The following CDK14 variants were observed in gnomAD, a reference collection of about 807,000 sequenced individuals.
The protein encoded by CDK14 is cyclin-dependent kinase 14.
In CDK14, 34 loss-of-function variants were observed where a neutral mutation model predicts 60.7. The ratio of observed to expected loss-of-function variants is 0.56; its 90% CI spans 0.43 to 0.75. The LOEUF is 0.75. Among genes scored for constraint, CDK14 ranks in the 30% least tolerant of loss-of-function variants. The probability of loss-of-function intolerance (pLI) is 0.00; values close to 1 mark genes in which losing one functional copy is unlikely to be tolerated. For synonymous variants in CDK14, 197 were observed against 203.7 expected (o/e 0.97, Z 0.28); for missense variants, 482 against 564.1 (o/e 0.85, Z 1.47).
At chr7:91,119,844 G>C (rs1799728076) in intron 14 of CDK14, among the ~76,000 whole-genome samples, 4 of 152,064 alleles carry the variant, frequency 2.6e-5, no homozygotes, top group Non-Finnish European at 5.9e-5. Flanking sequence ...CCATAGGTAA[G>C]AGTCTTCATT....
intron 11 of CDK14, among the ~76,000 whole-genome samples, chr7:91,049,820 G>A (rs1019674269): frequency 2.0e-5 from 3 of 152,152 alleles, no homozygotes; most frequent in Non-Finnish European, 4.4e-5. Context: ...TGAACAAAAA[G>A]CAAATGATCC....
At chr7:90,600,805 A>G (rs1252756028) in intron 1 of CDK14, among the ~76,000 whole-genome samples, 2 of 152,266 alleles carry the variant, frequency 1.3e-5, no homozygotes, top group Non-Finnish European at 2.9e-5. Flanking sequence ...GCATTTTCAT[A>G]CACCAAAACT....
intron 2 of CDK14, among the ~76,000 whole-genome samples, chr7:90,673,560 A>C (rs562115654): frequency 1.3e-5 from 2 of 151,274 alleles, no homozygotes; most frequent in Admixed American, 1.3e-4. Context: ...GGTTAAGTCT[A>C]TTAAGCAATT....
chr7:91,122,239 C>T (rs1209602334), intron 14 of CDK14, among the ~76,000 whole-genome samples: 1 of 151,912 alleles, frequency 6.6e-6, no homozygotes, highest in African/African-American at 2.4e-5. Context: ...ACCTTTTAGC[C>T]TCTTATTTCT....
chr7:90,681,062 T>C (rs1267312888), intron 2 of CDK14, among the ~76,000 whole-genome samples: 1 of 152,170 alleles, frequency 6.6e-6, no homozygotes, highest in Admixed American at 6.5e-5. Flanking sequence ...TTTACAAGAG[T>C]GCATCAAGGC....
At chr7:91,121,370 C>G (rs1799777091) in intron 14 of CDK14, among the ~76,000 whole-genome samples, 1 of 152,158 alleles carries the variant, frequency 6.6e-6, no homozygotes. Flanking sequence ...TTAACCATCT[C>G]TCTTTGGGGA....
chr7:90,976,063 G>T (rs566559943), intron 9 of CDK14, among the ~76,000 whole-genome samples: 1 of 152,220 alleles, frequency 6.6e-6, no homozygotes, highest in South Asian at 2.1e-4. Flanking sequence ...CCAGTAGTGG[G>T]ATGGCTAGCT....
chr7:91,002,943 G>A (rs1461768930), intron 10 of CDK14, among the ~76,000 whole-genome samples: 1 of 152,028 alleles, frequency 6.6e-6, no homozygotes, highest in African/African-American at 2.4e-5. Context: ...ATGGTGGCGG[G>A]TGCCTGTAGT....
rs181162650 is a variant in CDK14 at position 90,622,345 on chromosome 7, G to T, written c.123+18096G>T. The stretch of plus-strand genomic sequence containing the variant: ...AAAAAAATAAATGACTGTCTGTGTG[G>T]TAATGTTTTTGCTTAGTAAATGTAT... On this transcript the variant is annotated intron_variant, in intron 2 of 14. Transcript: ENST00000380050. Among the ~76,000 whole-genome samples, 49 of 152,296 alleles carry T rather than the reference G, an allele frequency of 3.2e-4. No homozygotes were observed. The East Asian group carries it at 9.1e-3, about 28-fold the overall frequency.
chr7:90,887,030 C>T (rs1405730688), intron 6 of CDK14, among the ~76,000 whole-genome samples: 3 of 152,046 alleles, frequency 2.0e-5, no homozygotes, highest in African/African-American at 7.2e-5. Flanking sequence ...GAGTTTCTAC[C>T]CATTTTAACT....
chr7:90,622,446 C>T (rs998381292), intron 2 of CDK14, among the ~76,000 whole-genome samples: 5 of 152,308 alleles, frequency 3.3e-5, no homozygotes, highest in South Asian at 2.1e-4. Context: ...GTCAATCTAA[C>T]GCGGTGATCT....
intron 4 of CDK14, among the ~76,000 whole-genome samples, chr7:90,749,757 A>G (rs145417585): frequency 7.2e-4 from 110 of 152,210 alleles, no homozygotes; most frequent in African/African-American, 2.5e-3. Context: ...TCCCAGCTTC[A>G]TGTTTAGGCA....
At chr7:90,839,859 T>C (rs936263707) in intron 5 of CDK14, among the ~76,000 whole-genome samples, 1 of 152,218 alleles carries the variant, frequency 6.6e-6, no homozygotes, top group African/African-American at 2.4e-5. Flanking sequence ...AATTGTTTCT[T>C]GTATTATGTT....
Position 90,709,353 on chromosome 7 carries a change from G to T in CDK14, c.124-17214G>T, listed in dbSNP as rs77861530. On this transcript the variant is annotated intron_variant, in intron 2 of 14. Transcript: ENST00000380050. ...GGGTTGTCACTCAGGACACTTACTG[G>T]CTTTCTCCAGTGCTCTTAAAAAATT... 2,691 of 1,253,120 alleles carry T rather than the reference G, an allele frequency of 2.1e-3. 51 individuals carry two copies. In the African/African-American group the frequency reaches 0.037, roughly 17 times the overall value. 77.6% of individuals were successfully genotyped at this position (1,253,120 alleles called of 1,614,324 possible). A position where few individuals can be genotyped will look rare whatever the true frequency, so the allele number is the denominator to read the frequency against.
chr7:90,630,038 C>CAAACA (rs55947583), intron 2 of CDK14, among the ~76,000 whole-genome samples: 6,320 of 102,738 alleles, frequency 0.062, 157 homozygotes, highest in Middle Eastern at 0.11. Flanking sequence ...GACACTGTCT[C>CAAACA]AAACAAAACA....
intron 7 of CDK14, among the ~76,000 whole-genome samples, chr7:90,906,279 C>T (rs971349277): frequency 5.3e-5 from 8 of 151,946 alleles, no homozygotes; most frequent in Middle Eastern, 3.2e-3. Context: ...AAAATATAGA[C>T]AAAAAACCTC....
At chr7:90,620,160 T>C (rs1799736535) in intron 2 of CDK14, among the ~76,000 whole-genome samples, 1 of 152,122 alleles carries the variant, frequency 6.6e-6, no homozygotes, top group Non-Finnish European at 1.5e-5. Flanking sequence ...ACCTGAGAAA[T>C]ATTTATGAGC....
intron 14 of CDK14, among the ~76,000 whole-genome samples, chr7:91,204,865 T>C (rs111510818): frequency 0.064 from 9,693 of 151,782 alleles, 350 homozygotes; most frequent in East Asian, 0.14. Context: ...GAGGATCAGC[T>C]GAGCCCAGGA....
intron 2 of CDK14, among the ~76,000 whole-genome samples, chr7:90,638,874 A>G (rs9641069): frequency 0.31 from 45,876 of 150,034 alleles, 7,885 homozygotes; most frequent in East Asian, 0.67. Flanking sequence ...GCTTCATTTC[A>G]TTCATTTCAT....
Sources: gnomAD v4.1 joint callset for allele counts (sites outside exome capture counted in the v4.1 genomes callset) on GRCh38, gnomAD v4.1.1 for gene constraint, MANE v1.5 for transcripts, NCBI Gene and HGNC (gene_info 2026-07-23, HGNC 2026-07-21) for gene names.